The following TRIM9 variants were observed in gnomAD, a reference collection of about 807,000 sequenced individuals.
The protein encoded by TRIM9 is E3 ubiquitin-protein ligase TRIM9.
Under a neutral mutation model 78.3 loss-of-function variants are expected in TRIM9, and 26 were observed. The observed-to-expected ratio is 0.33, with a 90% CI of 0.24 to 0.46. The LOEUF (loss-of-function observed/expected upper bound fraction) is 0.46. Ranked by LOEUF, TRIM9 falls within the 20% of genes least tolerant of loss-of-function variation. TRIM9 has a pLI of 1.00. For synonymous variants in TRIM9, 398 were observed against 416.5 expected (o/e 0.96, Z 0.54); for missense variants, 787 against 1,036.4 (o/e 0.76, Z 3.30).
intron 1 of TRIM9, among the ~76,000 whole-genome samples, chr14:51,063,112 G>A (rs547404860): frequency 6.6e-6 from 1 of 152,214 alleles, no homozygotes; most frequent in East Asian, 1.9e-4. Flanking sequence ...AGGAAAAAAT[G>A]ATCATCATGT....
At chr14:51,058,326 T>C (rs1404264669) in intron 1 of TRIM9, among the ~76,000 whole-genome samples, 1 of 152,212 alleles carries the variant, frequency 6.6e-6, no homozygotes, top group Non-Finnish European at 1.5e-5. Flanking sequence ...ATCTACAGAA[T>C]GGAAAAGGTA....
intron 1 of TRIM9, among the ~76,000 whole-genome samples, chr14:51,091,979 G>A (rs182564966): frequency 1.7e-3 from 253 of 152,160 alleles, no homozygotes; most frequent in African/African-American, 5.8e-3. Context: ...TCAAGGATAG[G>A]CTTGTCATAA....
intron 1 of TRIM9, among the ~76,000 whole-genome samples, chr14:51,071,820 G>A (rs1243616426): frequency 1.3e-5 from 2 of 151,958 alleles, no homozygotes; most frequent in Non-Finnish European, 2.9e-5. Context: ...ATAAATAAAT[G>A]AATAATTTTT....
rs2139242702 is a variant in TRIM9, at chr14:50,976,459, G to A, written c.*832C>T. The A allele has an allele frequency of 6.6e-6, 1 of 152,302 alleles. No homozygotes were observed. The highest frequency in any genetic ancestry group is 1.5e-5 in the Non-Finnish European group (1 of 68,020). 9.4% of individuals were successfully genotyped at this position (152,302 alleles called of 1,614,324 possible). On this transcript the variant is annotated 3_prime_UTR_variant, in exon 13 of 13. Transcript: ENST00000684578. The stretch of plus-strand genomic sequence containing the variant: ...CGAAGGGCAGAGACCATGCCTGTCT[G>A]TTCACCACTGTGTCCCCACAGTGTC...
intron 1 of TRIM9, 74 bp downstream of exon 1, chr14:51,094,044 G>A: frequency 6.8e-7 from 1 of 1,472,888 alleles, no homozygotes; most frequent in Non-Finnish European, 9.3e-7. Flanking sequence ...GTGCGCAAGA[G>A]ACGGGGACCG....
At chr14:51,002,760 G>T (rs927261639) in intron 5 of TRIM9, among the ~76,000 whole-genome samples, 24 of 152,300 alleles carry the variant, frequency 1.6e-4, no homozygotes, top group African/African-American at 5.8e-4. Context: ...AAATGAGAAG[G>T]TGAAGCCGGT....
At chr14:51,069,887 T>C (rs566461600) in intron 1 of TRIM9, among the ~76,000 whole-genome samples, 3 of 152,260 alleles carry the variant, frequency 2.0e-5, no homozygotes, top group Non-Finnish European at 4.4e-5. Flanking sequence ...GTGTATTCTG[T>C]ATTTGCAAAT....
chr14:51,077,386 G>GTTTT (rs146912763), intron 1 of TRIM9, among the ~76,000 whole-genome samples: 1,124 of 97,620 alleles, frequency 0.012, 62 homozygotes, highest in East Asian at 0.03. Flanking sequence ...CTCCAATTCT[G>GTTTT]TTTTTTTTTT....
intron 1 of TRIM9, among the ~76,000 whole-genome samples, chr14:51,066,706 G>C (rs2061769609): frequency 6.6e-6 from 1 of 152,212 alleles, no homozygotes; most frequent in Non-Finnish European, 1.5e-5. Context: ...TGCGTGGTCA[G>C]ACAGCATTTA....
chr14:50,979,321 G>T (rs761716659), intron 12 of TRIM9, 66 bp downstream of exon 12: 3 of 1,613,184 alleles, frequency 1.9e-6, no homozygotes, highest in Middle Eastern at 1.7e-4. Context: ...TGGATTGAAC[G>T]GCCCTGGGCA....
At position 51,026,873 on chromosome 14, in the gene TRIM9, G is replaced by T. The variant is rs566263217; in HGVS notation, c.823-1513C>A. Reference sequence around the variant, plus strand: ...GAAGAACAGTAATACTTTGTAGTTGGGTTATTGTGAGGGTTGAATGCATTA... The same window carrying T: ...GAAGAACAGTAATACTTTGTAGTTGTGTTATTGTGAGGGTTGAATGCATTA... On this transcript the variant is annotated intron_variant, in intron 1 of 12. Transcript: ENST00000684578. Among the ~76,000 whole-genome samples the T allele has an allele frequency of 2.0e-4, 30 of 152,246 alleles. No individual in the cohort carries two copies. The South Asian group carries it at 3.9e-3, about 20-fold the overall frequency.
intron 6 of TRIM9, among the ~76,000 whole-genome samples, chr14:50,998,501 T>TA (rs1036659423): frequency 6.6e-6 from 1 of 151,978 alleles, no homozygotes; most frequent in South Asian, 2.1e-4. Flanking sequence ...AGCTAGGGCT[T>TA]AAAAAAAATA....
intron 3 of TRIM9, among the ~76,000 whole-genome samples, chr14:51,016,185 T>C (rs1318820365): frequency 6.6e-6 from 1 of 152,182 alleles, no homozygotes; most frequent in African/African-American, 2.4e-5. Context: ...CCTAATACAA[T>C]GTAAATAGGT....
intron 1 of TRIM9, among the ~76,000 whole-genome samples, chr14:51,053,444 A>C (rs889453593): frequency 2.0e-5 from 3 of 149,968 alleles, no homozygotes; most frequent in African/African-American, 4.9e-5. Flanking sequence ...ATCAGTTTGT[A>C]GTTCACACTC....
At chr14:51,089,097 TG>T (rs2064063368) in intron 1 of TRIM9, 2 of 152,196 alleles carry the variant, frequency 1.3e-5, no homozygotes, top group African/African-American at 4.8e-5. Context: ...TAGTCCAACC[TG>T]ACTGATGCTG....
intron 1 of TRIM9, among the ~76,000 whole-genome samples, chr14:51,053,112 A>G (rs2060564986): frequency 6.6e-6 from 1 of 150,518 alleles, no homozygotes; most frequent in Non-Finnish European, 1.5e-5. Context: ...GTGAGCCGAG[A>G]TTGTGCCACT....
intron 1 of TRIM9, among the ~76,000 whole-genome samples, chr14:51,061,153 C>T (rs577131710): frequency 1.3e-5 from 2 of 152,270 alleles, no homozygotes; most frequent in African/African-American, 4.8e-5. Flanking sequence ...TGGCTCACGC[C>T]TGTAATCCCA....
intron 6 of TRIM9, 54 bp from the exon 7 acceptor site, chr14:50,998,242 G>C (rs539748198): frequency 6.4e-7 from 1 of 1,552,170 alleles, no homozygotes; most frequent in Non-Finnish European, 8.9e-7. Flanking sequence ...TCTGAGGGGC[G>C]AGGGAGGCAG....
intron 1 of TRIM9, among the ~76,000 whole-genome samples, chr14:51,053,580 C>CTTTTTTTTTTTTTAATTTTT (rs1191673861): frequency 1.3e-5 from 1 of 74,804 alleles, no homozygotes; most frequent in Non-Finnish European, 2.7e-5. Flanking sequence ...TTTTAATTTT[C>CTTTTTTTTTTTTTAATTTTT]TTTTTTTTTT....
Sources: gnomAD v4.1 joint callset for allele counts (sites outside exome capture counted in the v4.1 genomes callset) on GRCh38, gnomAD v4.1.1 for gene constraint, MANE v1.5 for transcripts, NCBI Gene and HGNC (gene_info 2026-07-23, HGNC 2026-07-21) for gene names.